The following SYT2 variants were observed in gnomAD, a reference collection of about 807,000 sequenced individuals.
SYT2 encodes synaptotagmin 2.
Under a neutral mutation model 39.9 loss-of-function variants are expected in SYT2, and 15 were observed. The observed-to-expected ratio is 0.38, with a 90% CI of 0.25 to 0.58. The LOEUF (loss-of-function observed/expected upper bound fraction) is 0.58. SYT2 is among the 20% of genes least tolerant of loss of function. The pLI is 0.70. For missense variants in SYT2, 389 were observed against 530.3 expected (o/e 0.73, Z 2.62); for synonymous variants, 181 against 204.5 (o/e 0.89, Z 0.98).
At chr1:202,656,909 C>T (rs1692288440) in intron 1 of SYT2, among the ~76,000 whole-genome samples, 1 of 152,192 alleles carries the variant, frequency 6.6e-6, no homozygotes, top group South Asian at 2.1e-4. Flanking sequence ...CACTGCCAGA[C>T]AGAGTCCAGC....
intron 1 of SYT2, among the ~76,000 whole-genome samples, chr1:202,647,981 G>A (rs1246084580): frequency 1.3e-5 from 2 of 152,234 alleles, no homozygotes; most frequent in Non-Finnish European, 2.9e-5. Flanking sequence ...GAAGCCAGTG[G>A]TGGGAGTAGA....
chr1:202,597,844 G>T (rs1248536816), intron 8 of SYT2, among the ~76,000 whole-genome samples: 3 of 152,180 alleles, frequency 2.0e-5, no homozygotes, highest in African/African-American at 2.4e-5. Context: ...TCAAAACCAG[G>T]TTGGAGAGGT....
chr1:202,688,751 A>C (rs1314915738), intron 1 of SYT2, among the ~76,000 whole-genome samples: 1 of 152,202 alleles, frequency 6.6e-6, no homozygotes, highest in Admixed American at 6.5e-5. Flanking sequence ...GGAGCTTGTG[A>C]AATGCTGAAA....
chr1:202,627,752 TCA>T (rs1691459735), intron 1 of SYT2: 1 of 480,198 alleles, frequency 2.1e-6, no homozygotes, highest in East Asian at 1.5e-4. Flanking sequence ...CATCTGATCT[TCA>T]CTTTCGTTTC....
chr1:202,636,374 T>C (rs1180854127), intron 1 of SYT2: 6 of 985,240 alleles, frequency 6.1e-6, no homozygotes, highest in Non-Finnish European at 7.2e-6. Flanking sequence ...CAGCATGTGC[T>C]CCAGAGCAGG....
chr1:202,647,010 C>T (rs774259161), intron 1 of SYT2, among the ~76,000 whole-genome samples: 7 of 152,198 alleles, frequency 4.6e-5, no homozygotes, highest in Non-Finnish European at 7.4e-5. Flanking sequence ...ACTGTCCCTG[C>T]GTTGGCCTCG....
At chr1:202,684,058 T>G (rs566825444) in intron 1 of SYT2, among the ~76,000 whole-genome samples, 5 of 152,188 alleles carry the variant, frequency 3.3e-5, no homozygotes, top group African/African-American at 1.2e-4. Context: ...AGTAAAAAAT[T>G]TTAATGTATT....
Position 202,599,327 on chromosome 1 carries a change from A to C in SYT2, c.944T>G (p.Met315Arg). ...CTTCTTGAGCCTCTTGCCATTCTGCATCAGGTGGATCTTCACGTACGGGTC... is the reference window on the plus strand; with the variant it reads ...CTTCTTGAGCCTCTTGCCATTCTGCCTCAGGTGGATCTTCACGTACGGGTC... Reference protein sequence around the residue: ...LSDPYVKIHLMQNGKRLKKKK... With the variant: ...LSDPYVKIHLRQNGKRLKKKK... Residue 315 changes from methionine to arginine, a missense_variant, in exon 8 of 9, where the codon ATG becomes AGG. Physicochemically the swap from Met to Arg is moderately conservative, Grantham distance 91 (BLOSUM62 -1). This residue lies in a region of SYT2 where 4 missense variants were observed against 24.6 expected (regional missense o/e 0.16). Transcript: ENST00000367268. This position sits in a 1 kb window ranked among gnomAD's most constrained non-coding sequence, Gnocchi z 4.4. 6.2e-7 allele frequency: 1 copy of C among 1,606,750 alleles called. No homozygotes were observed. Among genetic ancestry groups the C allele is most frequent in the Non-Finnish European group, 8.5e-7 (1 of 1,177,544 alleles).
intron 1 of SYT2, among the ~76,000 whole-genome samples, chr1:202,704,719 C>T (rs916232165): frequency 7.5e-6 from 1 of 133,882 alleles, no homozygotes; most frequent in East Asian, 2.4e-4. Flanking sequence ...GTTTAATTGC[C>T]GAGTTGAAAC....
At chr1:202,633,220 TGCTGGGCA>T (rs1408609160) in intron 1 of SYT2, among the ~76,000 whole-genome samples, 2 of 152,090 alleles carry the variant, frequency 1.3e-5, no homozygotes, top group African/African-American at 4.8e-5. Context: ...CACCAAAATA[TGCTGGGCA>T]CCCACTGGGT....
chr1:202,638,973 G>A (rs1259904062), intron 1 of SYT2, among the ~76,000 whole-genome samples: 1 of 152,200 alleles, frequency 6.6e-6, no homozygotes, highest in African/African-American at 2.4e-5. Context: ...GAAAAGCGTG[G>A]TCTTGGAAGT....
chr1:202,695,404 T>C (rs1653948288), intron 1 of SYT2, among the ~76,000 whole-genome samples: 1 of 152,148 alleles, frequency 6.6e-6, no homozygotes, highest in Non-Finnish European at 1.5e-5. Flanking sequence ...TCTCCAGCCC[T>C]TGTTTCTAGG....
chr1:202,654,298 AC>A (rs938513761), intron 1 of SYT2, among the ~76,000 whole-genome samples: 39 of 152,316 alleles, frequency 2.6e-4, no homozygotes, highest in African/African-American at 8.9e-4. Flanking sequence ...CCAAGAAGGC[AC>A]ATTCTCCACT....
At chr1:202,707,135 A>G (rs1654272690) in intron 1 of SYT2, among the ~76,000 whole-genome samples, 1 of 152,182 alleles carries the variant, frequency 6.6e-6, no homozygotes, top group East Asian at 1.9e-4. Context: ...GATTCTCAAA[A>G]TGCAATAGTG....
intron 1 of SYT2, among the ~76,000 whole-genome samples, chr1:202,675,635 A>G (rs939639800): frequency 1.4e-4 from 21 of 152,178 alleles, no homozygotes; most frequent in African/African-American, 4.6e-4. Flanking sequence ...CCGAGCAGGA[A>G]GAATCCCAGT....
At position 202,596,746 on chromosome 1, in the gene SYT2, G is replaced by A; in HGVS notation, c.*11C>T. 4 of 1,610,594 alleles carry A rather than the reference G, an allele frequency of 2.5e-6. No individual in the cohort carries two copies. Among genetic ancestry groups the A allele is most frequent in the Non-Finnish European group, 3.4e-6 (4 of 1,177,402 alleles). On this transcript the variant is annotated 3_prime_UTR_variant, in exon 9 of 9. Coordinates refer to ENST00000367268, the MANE Select transcript of SYT2 (RefSeq NM_177402.5). ...TGTCCGTGAAAGGTGTGGGGTCCCA[G>A]CCGCTGCTGTCTACTTGTTCTTGCC... is the stretch of plus-strand genomic sequence containing the variant.
chr1:202,633,048 T>C (rs1365741895), intron 1 of SYT2: 2 of 152,286 alleles, frequency 1.3e-5, no homozygotes, highest in Admixed American at 1.3e-4. Flanking sequence ...TTACAGGATG[T>C]GGCTGTGCAG....
At chr1:202,701,361 G>T (rs973051165) in intron 1 of SYT2, among the ~76,000 whole-genome samples, 3 of 152,306 alleles carry the variant, frequency 2.0e-5, no homozygotes, top group African/African-American at 7.2e-5. Context: ...AGATGCACAG[G>T]TGATGGGCAC....
At chr1:202,608,916 G>A (rs1198347818) in intron 1 of SYT2, among the ~76,000 whole-genome samples, 1 of 152,072 alleles carries the variant, frequency 6.6e-6, no homozygotes, top group East Asian at 1.9e-4. Flanking sequence ...TAGGGTACAT[G>A]TGCACAATGT....
Sources: allele counts gnomAD v4.1 joint callset (sites outside exome capture counted in the v4.1 genomes callset), GRCh38; gene constraint gnomAD v4.1.1; regional missense constraint gnomAD v4.1.1; non-coding constraint Gnocchi (gnomAD v3.1); transcripts MANE v1.5; gene names NCBI Gene and HGNC (gene_info 2026-07-23, HGNC 2026-07-21).